GUCY2C: variants seen among roughly 807,000 people sequenced by gnomAD.
GUCY2C encodes the protein guanylate cyclase 2C.
A neutral mutation model predicts 131.1 loss-of-function variants in GUCY2C; 118 were observed. The observed-to-expected ratio is 0.90, with a 90% CI of 0.78 to 1.05. The LOEUF (loss-of-function observed/expected upper bound fraction) is 1.05, where lower values mean the gene tolerates loss of function less well. Among genes scored for constraint, GUCY2C ranks in the 50% least tolerant of loss-of-function variants. The pLI is 0.00. For missense variants in GUCY2C, 1,161 were observed against 1,304.4 expected (o/e 0.89, Z 1.69); for synonymous variants, 452 against 457.8 (o/e 0.99, Z 0.16).
At chr12:14,686,671 T>C (rs1439722452) in intron 2 of GUCY2C, among the ~76,000 whole-genome samples, 1 of 152,208 alleles carries the variant, frequency 6.6e-6, no homozygotes, top group East Asian at 1.9e-4. Context: ...TGGGTGATTA[T>C]TGATCTTATT....
At chr12:14,652,829 G>A (rs1362587583) in intron 13 of GUCY2C, 123 bp downstream of exon 13, 2 of 747,292 alleles carry the variant, frequency 2.7e-6, no homozygotes, top group Non-Finnish European at 4.9e-6. Context: ...TCTAAGAATA[G>A]CCCCTAGGAA....
At chr12:14,621,375 G>T (rs1190784068) in intron 22 of GUCY2C, among the ~76,000 whole-genome samples, 159 bp from the exon 23 acceptor site, 1 of 152,166 alleles carries the variant, frequency 6.6e-6, no homozygotes, top group Non-Finnish European at 1.5e-5. Flanking sequence ...TCAGTTCTAT[G>T]CTGATTTCTT....
intron 6 of GUCY2C, among the ~76,000 whole-genome samples, chr12:14,679,229 CTTTCTTTT>C (rs1289212901): frequency 6.6e-6 from 1 of 152,058 alleles, no homozygotes; most frequent in Non-Finnish European, 1.5e-5. Flanking sequence ...TTTTTCCTTT[CTTTCTTTT>C]TTTCTTTTAA....
intron 15 of GUCY2C, among the ~76,000 whole-genome samples, chr12:14,646,237 T>G (rs1187776979): frequency 6.6e-6 from 1 of 152,260 alleles, no homozygotes; most frequent in Non-Finnish European, 1.5e-5. Context: ...ACGGTAGAAC[T>G]CTAAACAGGA....
chr12:14,650,916 T>G (rs754794361), intron 15 of GUCY2C, among the ~76,000 whole-genome samples: 6 of 152,180 alleles, frequency 3.9e-5, no homozygotes, highest in Non-Finnish European at 8.8e-5. Flanking sequence ...CTAATATTCT[T>G]GCTTTTTTTC....
At chr12:14,693,304 C>T (rs767757268) in intron 1 of GUCY2C, among the ~76,000 whole-genome samples, 1 of 152,090 alleles carries the variant, frequency 6.6e-6, no homozygotes, top group African/African-American at 2.4e-5. Context: ...GGAGTGGGAC[C>T]AGCTCAGCAC....
chr12:14,673,997 T>G (rs1054568198), intron 8 of GUCY2C, among the ~76,000 whole-genome samples: 13 of 152,226 alleles, frequency 8.5e-5, no homozygotes, highest in African/African-American at 3.1e-4. Flanking sequence ...AACAAAGGTT[T>G]CATAGAGTAA....
At chr12:14,673,952 G>A (rs533292141) in intron 8 of GUCY2C, among the ~76,000 whole-genome samples, 2 of 152,260 alleles carry the variant, frequency 1.3e-5, no homozygotes, top group East Asian at 1.9e-4. Context: ...GCTGCCCTCC[G>A]AAGCCTACAG....
At chr12:14,643,851 TAAC>T (rs937508116) in intron 16 of GUCY2C, 145 bp from the exon 17 acceptor site, 3 of 690,282 alleles carry the variant, frequency 4.3e-6, no homozygotes, top group African/African-American at 1.8e-5. Flanking sequence ...ATTTTTACCT[TAAC>T]AATATTACTG....
At chr12:14,652,866 T>C (rs1481315547) in intron 13 of GUCY2C, 86 bp downstream of exon 13, 1 of 868,668 alleles carries the variant, frequency 1.2e-6, no homozygotes, top group Non-Finnish European at 2.0e-6. Context: ...ACCATTGTGA[T>C]ACTGACATCA....
intron 18 of GUCY2C, 54 bp from the exon 19 acceptor site, chr12:14,640,004 G>C (rs1248584785): frequency 8.6e-7 from 1 of 1,165,564 alleles, no homozygotes; most frequent in Non-Finnish European, 1.3e-6. Flanking sequence ...ATGAAGAAAT[G>C]GAAGGAATTT....
intron 7 of GUCY2C, 31 bp downstream of exon 7, chr12:14,676,823 A>G: frequency 1.4e-6 from 1 of 692,508 alleles, no homozygotes. Flanking sequence ...ATAATATATA[A>G]TTTATACTAT....
At chr12:14,664,929 C>A (rs1175490455) in intron 10 of GUCY2C, among the ~76,000 whole-genome samples, 1 of 151,992 alleles carries the variant, frequency 6.6e-6, no homozygotes, top group African/African-American at 2.4e-5. Flanking sequence ...AAGAATAAGC[C>A]CTGAGGGGGC....
intron 10 of GUCY2C, among the ~76,000 whole-genome samples, chr12:14,668,025 G>T (rs749288336): frequency 8.3e-6 from 1 of 121,140 alleles, no homozygotes; most frequent in African/African-American, 3.2e-5. Flanking sequence ...TTTTTTTGAG[G>T]CAGGGTCTTG....
intron 12 of GUCY2C, among the ~76,000 whole-genome samples, chr12:14,654,886 G>C (rs1169727634): frequency 1.3e-5 from 2 of 152,136 alleles, no homozygotes; most frequent in African/African-American, 4.8e-5. Flanking sequence ...GCATGAGGCT[G>C]TCTTTGTATT....
chr12:14,617,853 A>G (rs1183438723), intron 24 of GUCY2C, among the ~76,000 whole-genome samples: 1 of 152,212 alleles, frequency 6.6e-6, no homozygotes, highest in Non-Finnish European at 1.5e-5. Flanking sequence ...TCTGAGGGCT[A>G]GAAGGATCAG....
intron 19 of GUCY2C, among the ~76,000 whole-genome samples, chr12:14,629,879 A>C (rs905075416): frequency 6.6e-6 from 1 of 152,220 alleles, no homozygotes; most frequent in Non-Finnish European, 1.5e-5. Flanking sequence ...AAGGACATCA[A>C]GTTAAACTTG....
chr12:14,617,999 A>G (rs778916282), intron 24 of GUCY2C, among the ~76,000 whole-genome samples: 5 of 152,148 alleles, frequency 3.3e-5, no homozygotes, highest in Admixed American at 6.5e-5. Context: ...TTGTCAGTAC[A>G]CTACCAAAAT....
chr12:14,672,190 A>C (rs1408890486), intron 9 of GUCY2C: 1 of 152,176 alleles, frequency 6.6e-6, no homozygotes. Flanking sequence ...GTTTGGATGG[A>C]TACAACATTG....
Sources: gnomAD v4.1 joint callset for allele counts (sites outside exome capture counted in the v4.1 genomes callset) on GRCh38, gnomAD v4.1.1 for gene constraint, MANE v1.5 for transcripts, NCBI Gene and HGNC (gene_info 2026-07-23, HGNC 2026-07-21) for gene names.